MISP: variants seen among roughly 807,000 people sequenced by gnomAD.
The protein encoded by MISP is mitotic spindle positioning.
MISP carries 51 observed loss-of-function variants against 49.3 expected under a neutral mutation model. That is an observed-to-expected ratio of 1.03 (90% CI 0.83 to 1.31). The LOEUF (loss-of-function observed/expected upper bound fraction) is 1.31, where lower values mean the gene tolerates loss of function less well. Among genes scored for constraint, MISP ranks in the 50% most tolerant of loss-of-function variants. The probability of loss-of-function intolerance (pLI) is 0.00; values close to 1 mark genes in which losing one functional copy is unlikely to be tolerated. For synonymous variants in MISP, 444 were observed against 392.6 expected (o/e 1.13, Z -1.55); for missense variants, 1,084 against 935.1 (o/e 1.16, Z -2.08).
rs751501055 is a variant in MISP at position 758,555 on chromosome 19, A to C, written c.1609A>C (p.Arg537=). Residue 537 remains arginine (R), a synonymous_variant, in exon 2 of 5, where the codon AGG becomes CGG. Coordinates refer to ENST00000215582, the MANE Select transcript of MISP (RefSeq NM_173481.4). ...GGAGGTGGCTGGGGCCCCTGCACTGAGGCTGCAGAAGTCCCAGTCATCTGA... is the reference window on the plus strand; with the variant it reads ...GGAGGTGGCTGGGGCCCCTGCACTGCGGCTGCAGAAGTCCCAGTCATCTGA... ...GWEVAGAPAL[R]LQKSQSSDLL... 6.2e-7 allele frequency: 1 copy of C among 1,614,170 alleles called. No homozygotes were observed. Among genetic ancestry groups the C allele is most frequent in the East Asian group, 2.2e-5 (1 of 44,886 alleles).
Position 757,992 on chromosome 19 carries a change from T to A in MISP, c.1046T>A (p.Leu349His), listed in dbSNP as rs775665778. ...CGGCGGGAGAGAGGGCGCCCGTCCC[T>A]CTACGTGCAGCGGGACATAGTACAG... The part of the protein sequence containing the change: ...APRRERGRPS[L>H]YVQRDIVQET... The change falls in exon 2 of 5, where the codon CTC (leucine) becomes CAC (histidine). Residue 349 changes from leucine (L) to histidine (H), a missense_variant. Transcript: ENST00000215582. 19 of 1,577,198 alleles carry A rather than the reference T, an allele frequency of 1.2e-5. No individual in the cohort carries two copies. Among genetic ancestry groups the A allele is most frequent in the Non-Finnish European group, 1.5e-5 (18 of 1,166,220 alleles).
chr19:763,575 T>A lies in MISP; in HGVS notation c.2025T>A (p.Ser675Arg). Reference sequence around the variant, plus strand: ...GCTGGGAATCCCGCATCTACGCCAGTGAGGAGGATGACTGAGCCTCGGGAT... The same window carrying A: ...GCTGGGAATCCCGCATCTACGCCAGAGAGGAGGATGACTGAGCCTCGGGAT... ...AERWESRIYA[S>R]EEDD Residue 675 changes from serine to arginine, a missense_variant, in exon 5 of 5, where the codon AGT becomes AGA. Coordinates refer to ENST00000215582, the MANE Select transcript of MISP (RefSeq NM_173481.4). 1 of 1,613,708 alleles carries A rather than the reference T, an allele frequency of 6.2e-7. No individual in the cohort carries two copies. The highest frequency in any genetic ancestry group is 8.5e-7 in the Non-Finnish European group (1 of 1,179,800).
At chr19:749,801 G>T (rs1275608069), upstream of MISP, among the ~76,000 whole-genome samples, 2 of 151,990 alleles carry the variant, frequency 1.3e-5, no homozygotes, top group African/African-American at 4.8e-5. Flanking sequence ...TCCAGCCTGG[G>T]TGACAAGAGC....
chr19:758,219 T>C lies in MISP; in HGVS notation c.1273T>C (p.Tyr425His), dbSNP rs1279239300. The C allele has an allele frequency of 6.2e-7, 1 of 1,612,478 alleles. No individual in the cohort carries two copies. Among genetic ancestry groups the C allele is most frequent in the Non-Finnish European group, 8.5e-7 (1 of 1,179,826 alleles). Residue 425 changes from tyrosine to histidine, a missense_variant, in exon 2 of 5, where the codon TAC (tyrosine) becomes CAC (histidine). Physicochemically the swap from Tyr to His is moderately conservative, Grantham distance 83. Coordinates refer to ENST00000215582, the MANE Select transcript of MISP (RefSeq NM_173481.4). Reference protein sequence around the residue: ...RKVNRIPPDAYQPYLSPGTPQ... With the variant: ...RKVNRIPPDAHQPYLSPGTPQ... The stretch of plus-strand genomic sequence containing the variant: ...GGTGAACCGCATCCCACCTGATGCC[T>C]ACCAGCCGTACCTGAGCCCCGGGAC...
chr19:756,755 GAC>G (rs2033556105), intron 1 of MISP, 133 bp from the exon 2 acceptor site: 4 of 588,618 alleles, frequency 6.8e-6, no homozygotes, highest in Admixed American at 3.1e-5. Flanking sequence ...TGAGTGGCTG[GAC>G]TGTGTCACTT....
At chr19:753,292 T>G (rs1188910817) in intron 1 of MISP, among the ~76,000 whole-genome samples, 1 of 152,184 alleles carries the variant, frequency 6.6e-6, no homozygotes, top group Non-Finnish European at 1.5e-5. Context: ...TTGCGTGTAG[T>G]TTCAACACGG....
rs773982199 is a variant in MISP at position 758,232 on chromosome 19, T to C, written c.1286T>C (p.Leu429Pro). 2 of 1,613,186 alleles carry C rather than the reference T, an allele frequency of 1.2e-6. No homozygotes were observed. Among genetic ancestry groups the C allele is most frequent in the South Asian group, 1.1e-5 (1 of 91,058 alleles). The change falls in exon 2 of 5, where the codon CTG (leucine) becomes CCG (proline). Residue 429 changes from leucine to proline, a missense_variant. By Grantham distance (98) the Leu-to-Pro change is moderately conservative. Coordinates refer to ENST00000215582, the MANE Select transcript of MISP (RefSeq NM_173481.4). ...CCACCTGATGCCTACCAGCCGTACC[T>C]GAGCCCCGGGACCCCCCAGCTAGAA... The part of the protein sequence containing the change: ...RIPPDAYQPY[L>P]SPGTPQLEFS...
rs112598403 is a variant in MISP at position 758,421 on chromosome 19, C to T, written c.1475C>T (p.Pro492Leu). Residue 492 changes from proline (P) to leucine (L), a missense_variant, in exon 2 of 5, where the codon CCG becomes CTG. Physicochemically the swap from Pro to Leu is moderately conservative, Grantham distance 98. Transcript: ENST00000215582. ...GCATCGAAGCCCCCTCGGGGATGCC[C>T]GCAAGCCAACAGGGGTGTCGTGCGG... ...QEASKPPRGC[P>L]QANRGVVRWE... 51 of 1,614,208 alleles carry T rather than the reference C, an allele frequency of 3.2e-5. No individual in the cohort carries two copies. In the Middle Eastern group the frequency reaches 6.6e-4, roughly 21 times the overall value.
At chr19:753,735 A>G (rs2033499068) in intron 1 of MISP, among the ~76,000 whole-genome samples, 1 of 150,358 alleles carries the variant, frequency 6.7e-6, no homozygotes, top group African/African-American at 2.4e-5. Flanking sequence ...GCAGATCTAA[A>G]TAATAGCCTT....
In MISP at chr19:759,945, T is replaced by C; in HGVS notation, c.1817T>C (p.Phe606Ser). Residue 606 changes from phenylalanine to serine, a missense_variant, in exon 3 of 5, where the codon TTC becomes TCC. Transcript: ENST00000215582. ...AGTTACTCGGTGTCTGAGTCTCCCT[T>C]CTTCAGCCCCATCCACCTACACTCA... ...TGSYSVSESP[F>S]FSPIHLHSNV... 1.2e-6 allele frequency: 2 copies of C among 1,614,068 alleles called. No homozygotes were observed. Among genetic ancestry groups the C allele is most frequent in the Non-Finnish European group, 1.7e-6 (2 of 1,179,970 alleles).
In MISP at chr19:757,302, A is replaced by G. The variant is rs868801463; in HGVS notation, c.356A>G (p.Lys119Arg). ...CTCCGCCCAGAGGACGGGGAGGACA[A>G]GGAGATGAAGACCTACCGCCTGGAT... ...WALRPEDGED[K>R]EMKTYRLDAG... The change falls in exon 2 of 5, where the codon AAG (lysine) becomes AGG (arginine). Residue 119 changes from lysine to arginine, a missense_variant. Lys to Arg is a conservative substitution (Grantham distance 26). Transcript: ENST00000215582. The G allele has an allele frequency of 2.5e-6, 4 of 1,614,030 alleles. No individual in the cohort carries two copies. Among genetic ancestry groups the G allele is most frequent in the Non-Finnish European group, 2.5e-6 (3 of 1,179,984 alleles).
At chr19:754,826 AGGTTTGGGGTGGAGGAAGAGGGCCT>A (rs562906232) in intron 1 of MISP, among the ~76,000 whole-genome samples, 3,216 of 150,238 alleles carry the variant, frequency 0.021, 59 homozygotes, top group African/African-American at 0.055. Context: ...GAGGAGGGCG[AGGTTTGGGGTGGAGGAAGAGGGCCT>A]GGTTTGGGGT....
chr19:749,352 C>T (rs1342187418), upstream of MISP, among the ~76,000 whole-genome samples: 2 of 152,162 alleles, frequency 1.3e-5, no homozygotes, highest in Non-Finnish European at 1.5e-5. Context: ...TCCTGAGGCG[C>T]GATTTTAAGC....
chr19:753,311 G>A (rs2033488652), intron 1 of MISP, among the ~76,000 whole-genome samples: 1 of 152,082 alleles, frequency 6.6e-6, no homozygotes, highest in African/African-American at 2.4e-5. Flanking sequence ...GGCTCCCCAC[G>A]GTCTCTCCAC....
intron 3 of MISP, 80 bp downstream of exon 3, chr19:760,119 A>G: frequency 6.4e-7 from 1 of 1,557,922 alleles, no homozygotes; most frequent in South Asian, 1.2e-5. Context: ...TTCAAGCAGG[A>G]CTCAAGCCTG....
upstream of MISP, among the ~76,000 whole-genome samples, chr19:750,929 G>T (rs2033450544): frequency 6.6e-6 from 1 of 152,156 alleles, no homozygotes; most frequent in Non-Finnish European, 1.5e-5. Flanking sequence ...TGGGGGTGGA[G>T]GGGCAGCCGG....
At chr19:755,030 G>A (rs1227116929) in intron 1 of MISP, among the ~76,000 whole-genome samples, 1 of 149,394 alleles carries the variant, frequency 6.7e-6, no homozygotes, top group Admixed American at 6.6e-5. Context: ...GGCCTGGTTT[G>A]GGGTGGAAGA....
intron 4 of MISP, 43 bp downstream of exon 4, chr19:761,706 C>G (rs556691863): frequency 6.8e-6 from 11 of 1,610,194 alleles, no homozygotes; most frequent in South Asian, 3.3e-5. Flanking sequence ...CTTTCCCCCC[C>G]ACATCTGTGC....
chr19:763,387 G>A (rs562486327), intron 4 of MISP, 114 bp from the exon 5 acceptor site: 94 of 706,240 alleles, frequency 1.3e-4, no homozygotes, highest in African/African-American at 1.1e-3. Flanking sequence ...AAACAGAGGA[G>A]GGGATCCTAC....
Sources: allele counts gnomAD v4.1 joint callset (sites outside exome capture counted in the v4.1 genomes callset), GRCh38; gene constraint gnomAD v4.1.1; transcripts MANE v1.5; gene names NCBI Gene and HGNC (gene_info 2026-07-23, HGNC 2026-07-21).